Variants in NEU3 observed in about 807,000 individuals in gnomAD.
NEU3 encodes neuraminidase 3.
NEU3 carries 10 observed loss-of-function variants against 11.4 expected under a neutral mutation model. That is an observed-to-expected ratio of 0.88 (90% CI 0.54 to 1.49). NEU3 has a LOEUF of 1.49. Ranked by LOEUF, NEU3 falls within the 40% of genes most tolerant of loss-of-function variation. The probability of loss-of-function intolerance (pLI) is 0.00; values close to 1 mark genes in which losing one functional copy is unlikely to be tolerated. For missense variants in NEU3, 529 were observed against 581.8 expected, an observed-to-expected ratio of 0.91 and a Z score of 0.93; for synonymous variants, 212 against 228.2, an observed-to-expected ratio of 0.93 and a Z score of 0.64.
intron 1 of NEU3, among the ~76,000 whole-genome samples, chr11:74,991,255 G>A (rs1315672781): frequency 6.6e-6 from 1 of 152,222 alleles, no homozygotes; most frequent in East Asian, 1.9e-4. Flanking sequence ...TGAGTGAGAA[G>A]ATGGTCTCCC....
intron 2 of NEU3, among the ~76,000 whole-genome samples, chr11:75,000,566 T>C (rs1005871315): frequency 1.2e-4 from 19 of 152,128 alleles, no homozygotes; most frequent in African/African-American, 4.6e-4. Flanking sequence ...AGAATTTCCT[T>C]CCTATTTAAG....
intron 2 of NEU3, among the ~76,000 whole-genome samples, chr11:74,998,442 C>G (rs1043502497): frequency 2.0e-5 from 3 of 152,148 alleles, no homozygotes; most frequent in Non-Finnish European, 2.9e-5. Context: ...TTGCTTTCCT[C>G]TCTCCCAGGG....
chr11:75,011,995 T>C (rs1948958823), downstream of NEU3, among the ~76,000 whole-genome samples: 1 of 152,166 alleles, frequency 6.6e-6, no homozygotes, highest in African/African-American at 2.4e-5. Context: ...TTCGTCCTCT[T>C]TGCTTATAAG....
Position 74,990,644 on chromosome 11 carries a change from G to C in NEU3, c.94+1490G>C, listed in dbSNP as rs572631890. 1.4e-3 allele frequency among the ~76,000 whole-genome samples: 206 copies of C among 152,252 alleles called. 1 individual carries two copies. The highest frequency in any genetic ancestry group is 4.8e-3 in the African/African-American group (198 of 41,550). ...CAGAGTGGTGGGAATATAGGCATGA[G>C]CCACCGCACCCAGCCTCTTCCTTTC... On this transcript the variant is annotated intron_variant, in intron 1 of 2. Coordinates refer to ENST00000294064, the MANE Select transcript of NEU3 (RefSeq NM_006656.6).
upstream of NEU3, among the ~76,000 whole-genome samples, chr11:74,987,187 G>C (rs1457728276): frequency 6.6e-6 from 1 of 152,164 alleles, no homozygotes; most frequent in Non-Finnish European, 1.5e-5. Context: ...TAGTTACCCA[G>C]AAATAGGGTT....
intron 1 of NEU3, among the ~76,000 whole-genome samples, chr11:74,991,301 G>A (rs1034717982): frequency 1.3e-5 from 2 of 152,114 alleles, no homozygotes; most frequent in African/African-American, 4.8e-5. Flanking sequence ...TGAGAGCCTG[G>A]GATTGAAATG....
Position 75,007,616 on chromosome 11 carries a change from G to A in NEU3, c.*1124G>A, listed in dbSNP as rs1043478878. 1 of 152,162 alleles carries A rather than the reference G, an allele frequency of 6.6e-6. No individual in the cohort carries two copies. The highest frequency in any genetic ancestry group is 1.5e-5 in the Non-Finnish European group (1 of 68,030). 9.4% of individuals were successfully genotyped at this position (152,162 alleles called of 1,614,324 possible). ...ATCTTCACCATTAGGAAGATCTCTA[G>A]ACCCCCAGATCTCAGAATCAGGCCT... On this transcript the variant is annotated 3_prime_UTR_variant, in exon 3 of 3. Transcript: ENST00000294064.
chr11:74,987,886 CTTTTTTTTTTTCTTTTTTT>C (rs1350801248), upstream of NEU3, among the ~76,000 whole-genome samples: 1 of 83,258 alleles, frequency 1.2e-5, no homozygotes, highest in Non-Finnish European at 2.2e-5. Context: ...GGTTCTAGGC[CTTTTTTTTTTTCTTTTTTT>C]TTTTTTTTTT....
At chr11:75,011,538 T>C (rs1416099726), downstream of NEU3, among the ~76,000 whole-genome samples, 1 of 152,140 alleles carries the variant, frequency 6.6e-6, no homozygotes, top group African/African-American at 2.4e-5. Flanking sequence ...AAAAACATCC[T>C]TGGCTGGTGG....
the NEU3 span, among the ~76,000 whole-genome samples, chr11:74,981,784 A>G: frequency 6.6e-6 from 1 of 152,210 alleles, no homozygotes; most frequent in Non-Finnish European, 1.5e-5. Flanking sequence ...AGAAAGGACA[A>G]AGGCCTTTCA....
downstream of NEU3, among the ~76,000 whole-genome samples, chr11:75,012,582 G>A (rs1021784524): frequency 2.3e-4 from 35 of 152,188 alleles, no homozygotes; most frequent in Middle Eastern, 3.2e-3. Flanking sequence ...GCGATTTGTC[G>A]CATTGGATTG....
At chr11:74,992,946 G>A (rs1011545155) in intron 1 of NEU3, among the ~76,000 whole-genome samples, 5 of 152,094 alleles carry the variant, frequency 3.3e-5, no homozygotes, top group African/African-American at 1.2e-4. Context: ...GGCAACAAGA[G>A]CAAAACTCCG....
rs185004433 is a variant in NEU3, at chr11:75,006,064, C to T, written c.958C>T (p.Arg320Trp). 1.5e-5 allele frequency: 24 copies of T among 1,613,966 alleles called. No homozygotes were observed. Among genetic ancestry groups the T allele is most frequent in the East Asian group, 4.5e-5 (2 of 44,882 alleles). Reference protein sequence around the residue: ...HGCQGSVVSFRPLEIPHRCQD... With the variant: ...HGCQGSVVSFWPLEIPHRCQD... ...TTGCCAAGGGAGTGTGGTAAGTTTC[C>T]GGCCCCTGGAGATCCCACATAGGTG... Residue 320 changes from arginine to tryptophan, a missense_variant, in exon 3 of 3, where the codon CGG becomes TGG. Physicochemically the swap from Arg to Trp is moderately radical, Grantham distance 101. Transcript: ENST00000294064.
rs1286610514 is a variant in NEU3 at position 75,006,375 on chromosome 11, C to T, written c.1269C>T (p.Thr423=). The T allele has an allele frequency of 1.2e-6, 2 of 1,613,952 alleles. No individual in the cohort carries two copies. The highest frequency in any genetic ancestry group is 3.3e-5 in the Admixed American group (2 of 60,016). ...GLFGCLFECG[T]KQECEQIAFR... ...TTGGGTGTTTGTTTGAATGTGGGAC[C>T]AAGCAAGAGTGTGAGCAGATTGCCT... is the stretch of plus-strand genomic sequence containing the variant. Residue 423 remains threonine, a synonymous_variant, in exon 3 of 3, where the codon ACC becomes ACT. Transcript: ENST00000294064.
In NEU3 at chr11:75,006,440, A is replaced by G. The variant is rs1471152334; in HGVS notation, c.1334A>G (p.Gln445Arg). The G allele has an allele frequency of 3.7e-6, 6 of 1,613,770 alleles. No homozygotes were observed. In the East Asian group the frequency reaches 1.3e-4, roughly 36 times the overall value. Reference protein sequence around the residue: ...FTHREILSHLQGDCTSPGRNP... With the variant: ...FTHREILSHLRGDCTSPGRNP... ...CACCGGGAGATCCTGAGTCACCTGC[A>G]GGGGGACTGCACCAGCCCTGGTAGG... is the stretch of plus-strand genomic sequence containing the variant. The change falls in exon 3 of 3, where the codon CAG becomes CGG. Residue 445 changes from glutamine to arginine, a missense_variant. By Grantham distance (43) the Gln-to-Arg change is conservative (BLOSUM62 1). Transcript: ENST00000294064.
At chr11:74,989,263 A>G in intron 1 of NEU3, 109 bp downstream of exon 1, 1 of 854,942 alleles carries the variant, frequency 1.2e-6, no homozygotes, top group Non-Finnish European at 1.9e-6. Context: ...TTATTGAGAC[A>G]GAGCCACCTA....
intron 2 of NEU3, among the ~76,000 whole-genome samples, chr11:74,997,252 A>G (rs1220275362): frequency 6.6e-6 from 1 of 152,232 alleles, no homozygotes; most frequent in African/African-American, 2.4e-5. Flanking sequence ...AGCTTCTCCC[A>G]TCAGCACTTG....
upstream of NEU3, among the ~76,000 whole-genome samples, chr11:74,983,825 G>A (rs1356148727): frequency 6.6e-6 from 1 of 152,174 alleles, no homozygotes; most frequent in Non-Finnish European, 1.5e-5. Flanking sequence ...ACTGTGACTG[G>A]ATTAATGTCT....
intron 2 of NEU3, among the ~76,000 whole-genome samples, chr11:74,997,010 T>A (rs1251512144): frequency 6.6e-6 from 1 of 152,230 alleles, no homozygotes; most frequent in East Asian, 1.9e-4. Flanking sequence ...AGATTTAGGA[T>A]AATTCTTAAG....
Sources: gnomAD v4.1 joint callset for allele counts (sites outside exome capture counted in the v4.1 genomes callset) on GRCh38, gnomAD v4.1.1 for gene constraint, MANE v1.5 for transcripts, NCBI Gene and HGNC (gene_info 2026-07-23, HGNC 2026-07-21) for gene names.